Variants in WDR36 observed in about 807,000 individuals in gnomAD.
WDR36 encodes the protein WD repeat-containing protein 36.
WDR36 carries 63 observed loss-of-function variants against 112.7 expected under a neutral mutation model. That is an observed-to-expected ratio of 0.56 (90% CI 0.46 to 0.69). The LOEUF is 0.69. Ranked by LOEUF, WDR36 falls within the 30% of genes least tolerant of loss-of-function variation. The pLI is 0.00. For missense variants in WDR36, 1,226 were observed against 1,070.3 expected, an observed-to-expected ratio of 1.15 and a Z score of -2.03; for synonymous variants, 410 against 362.2, an observed-to-expected ratio of 1.13 and a Z score of -1.50.
intron 6 of WDR36, among the ~76,000 whole-genome samples, chr5:111,102,652 G>A (rs1753143880): frequency 6.6e-6 from 1 of 151,604 alleles, no homozygotes; most frequent in Admixed American, 6.6e-5. Context: ...ATGGATCCTT[G>A]TTTCTAATCA....
intron 16 of WDR36, among the ~76,000 whole-genome samples, chr5:111,118,139 G>T (rs139132730): frequency 6.6e-6 from 1 of 152,104 alleles, no homozygotes; most frequent in Non-Finnish European, 1.5e-5. Flanking sequence ...ACAAACTCAG[G>T]TGTTTGATAT....
intron 1 of WDR36, among the ~76,000 whole-genome samples, chr5:111,092,933 C>A (rs989520986): frequency 6.6e-6 from 1 of 152,232 alleles, no homozygotes; most frequent in Non-Finnish European, 1.5e-5. Context: ...TTAAGACAAA[C>A]CTCTACCTCT....
At chr5:111,100,779 C>G in intron 5 of WDR36, 58 bp downstream of exon 5, 2 of 1,515,614 alleles carry the variant, frequency 1.3e-6, no homozygotes, top group Non-Finnish European at 1.8e-6. Flanking sequence ...CTACTACTTC[C>G]TAATGTATAC....
In WDR36 at chr5:111,111,250, C is replaced by G; in HGVS notation, c.1688C>G (p.Ser563Cys). 1.9e-6 allele frequency: 3 copies of G among 1,611,570 alleles called. No homozygotes were observed. The highest frequency in any genetic ancestry group is 2.5e-6 in the Non-Finnish European group (3 of 1,178,070). Residue 563 changes from serine to cysteine, a missense_variant, in exon 15 of 23, where the codon TCT (serine) becomes TGT (cysteine). Physicochemically the swap from Ser to Cys is moderately radical, Grantham distance 112 (BLOSUM62 -1). Transcript: ENST00000513710. ...ACTAGGAAGATTGTCAGAGAGTTTT[C>G]TGGACACCAAGGCCAAATAAATGAC... ...IETRKIVREF[S>C]GHQGQINDMA...
chr5:111,096,519 C>T (rs780654066), intron 2 of WDR36, among the ~76,000 whole-genome samples: 57 of 152,120 alleles, frequency 3.7e-4, no homozygotes, highest in Non-Finnish European at 7.4e-4. Flanking sequence ...GCCTGTCTAA[C>T]ATGGCAAAAC....
rs1753744833 is a variant in WDR36, at chr5:111,129,517, A to T, written c.*2634A>T. On this transcript the variant is annotated 3_prime_UTR_variant, in exon 23 of 23. Coordinates refer to ENST00000513710, the MANE Select transcript of WDR36 (RefSeq NM_139281.3). ...TGTATGTTTATTTTAGAACATATAA[A>T]CATTTGTTAATTTTCTTTTTCCTCT... 5.1e-6 allele frequency: 1 copy of T among 196,326 alleles called. No homozygotes were observed. The highest frequency in any genetic ancestry group is 1.1e-5 in the Non-Finnish European group (1 of 94,606). 12.2% of individuals were successfully genotyped at this position (196,326 alleles called of 1,614,324 possible). A position where few individuals can be genotyped will look rare whatever the true frequency, so the allele number is the denominator to read the frequency against.
rs1321415778 is a variant in WDR36, at chr5:111,126,766, A to T, written c.2571A>T (p.Val857=). Reference sequence around the variant, plus strand: ...TTAAAATGCTTCCTTCAGAGCCAGTACTCCTAGAAGAAATAACAAATTTGT... The same window carrying T: ...TTAAAATGCTTCCTTCAGAGCCAGTTCTCCTAGAAGAAATAACAAATTTGT... ...LHLKMLPSEP[V]LLEEITNLSS... is the part of the protein sequence containing the mutation. Residue 857 remains valine, a synonymous_variant, in exon 23 of 23, where the codon GTA becomes GTT. Coordinates refer to ENST00000513710, the MANE Select transcript of WDR36 (RefSeq NM_139281.3). The T allele has an allele frequency of 2.5e-6, 4 of 1,613,646 alleles. No homozygotes were observed. The highest frequency in any genetic ancestry group is 3.4e-6 in the Non-Finnish European group (4 of 1,179,816).
rs1193722185 is a variant in WDR36, at chr5:111,099,442, T to G, written c.409+603T>G. Among the ~76,000 whole-genome samples, 11 of 94,348 alleles carry G rather than the reference T, an allele frequency of 1.2e-4. No individual in the cohort carries two copies. The South Asian group carries it at 1.4e-3, about 12-fold the overall frequency. The allele number at this position is 94,348 out of a possible 152,430, so 61.9% of individuals were successfully genotyped here. On this transcript the variant is annotated intron_variant, in intron 4 of 22. Coordinates refer to ENST00000513710, the MANE Select transcript of WDR36 (RefSeq NM_139281.3). The stretch of plus-strand genomic sequence containing the variant: ...ATTTTTAGCTTATATTGCCTCTTGG[T>G]TTTTTTTTGTTTTTTTTTTTGTTTT...
At chr5:111,117,412 G>C (rs577519320) in intron 16 of WDR36, among the ~76,000 whole-genome samples, 1 of 152,292 alleles carries the variant, frequency 6.6e-6, no homozygotes, top group East Asian at 1.9e-4. Flanking sequence ...ATTTACATTT[G>C]AGCTGCTCAC....
intron 19 of WDR36, 144 bp from the exon 20 acceptor site, chr5:111,123,661 A>T: frequency 8.9e-7 from 1 of 1,117,328 alleles, no homozygotes; most frequent in Non-Finnish European, 1.3e-6. Flanking sequence ...TGGTCAGAAG[A>T]GATCATATTT....
In WDR36 at chr5:111,104,779, G is replaced by T; in HGVS notation, c.989G>T (p.Arg330Ile). 10 of 1,611,222 alleles carry T rather than the reference G, an allele frequency of 6.2e-6. No homozygotes were observed. Among genetic ancestry groups the T allele is most frequent in the East Asian group, 2.2e-5 (1 of 44,804 alleles). The part of the protein sequence containing the change: ...MGHSAPLTNI[R>I]YYGQNGQQIL... ...CATAGTGCTCCTCTTACCAATATCA[G>T]ATATTATGGACAGAATGGACAGCAG... is the stretch of plus-strand genomic sequence containing the variant. Residue 330 changes from arginine (R) to isoleucine (I), a missense_variant, in exon 9 of 23, where the codon AGA becomes ATA. Transcript: ENST00000513710.
At chr5:111,104,025 G>T in intron 7 of WDR36, 107 bp downstream of exon 7, 1 of 1,455,038 alleles carries the variant, frequency 6.9e-7, no homozygotes, top group South Asian at 1.2e-5. Flanking sequence ...AGAAGTGAAT[G>T]AATACTGGAG....
rs1753710130 is a variant in WDR36 at position 111,128,023 on chromosome 5, C to A, written c.*1140C>A. On this transcript the variant is annotated 3_prime_UTR_variant, in exon 23 of 23. Transcript: ENST00000513710. ...TTTTCTTTCACAACCATTGCAAACC[C>A]AGGTAGCCCTGGAGTTTTCTTTTTT... is the stretch of plus-strand genomic sequence containing the variant. 5.0e-6 allele frequency: 1 copy of A among 201,604 alleles called. No homozygotes were observed. Among genetic ancestry groups the A allele is most frequent in the Non-Finnish European group, 1.0e-5 (1 of 98,418 alleles). The allele number at this position is 201,604 out of a possible 1,614,324, so 12.5% of individuals were successfully genotyped here.
In WDR36 at chr5:111,097,281, T is replaced by G. The variant is rs1247644027; in HGVS notation, c.291+102T>G. 75 of 823,652 alleles carry G rather than the reference T, an allele frequency of 9.1e-5. 1 individual carries two copies. In the South Asian group the frequency reaches 1.0e-3, roughly 11 times the overall value. 51.0% of individuals were successfully genotyped at this position (823,652 alleles called of 1,614,324 possible). A position where few individuals can be genotyped will look rare whatever the true frequency, so the allele number is the denominator to read the frequency against. ...TTCTTTACCCAGCACACTCTGGAAC[T>G]ATACAGTATTCTTTTTTTTCTAATG... On this transcript the variant is annotated intron_variant, in intron 3 of 22. Coordinates refer to ENST00000513710, the MANE Select transcript of WDR36 (RefSeq NM_139281.3).
intron 17 of WDR36, among the ~76,000 whole-genome samples, chr5:111,119,793 C>A (rs1384941513): frequency 1.3e-5 from 2 of 151,336 alleles, no homozygotes; most frequent in Non-Finnish European, 3.0e-5. Flanking sequence ...AGAAACAGAC[C>A]CTGTTCACCT....
chr5:111,119,316 A>G (rs1753520154), intron 17 of WDR36, among the ~76,000 whole-genome samples, 196 bp downstream of exon 17: 1 of 152,188 alleles, frequency 6.6e-6, no homozygotes, highest in South Asian at 2.1e-4. Flanking sequence ...TTGCTGAAGT[A>G]TATTCTAAAC....
Position 111,124,134 on chromosome 5 carries a change from G to C in WDR36, c.2295G>C (p.Leu765Phe). The part of the protein sequence containing the change: ...QQSKVVNLGV[L>F]AQKSDFCLKL... ...CTAAAGTGGTAAATCTTGGAGTTTT[G>C]GCTCAAAAATCAGATTTCTGCTTGA... The change falls in exon 21 of 23, where the codon TTG (leucine) becomes TTC (phenylalanine). Residue 765 changes from leucine to phenylalanine, a missense_variant. By Grantham distance (22) the Leu-to-Phe change is conservative. Coordinates refer to ENST00000513710, the MANE Select transcript of WDR36 (RefSeq NM_139281.3). 1 of 1,612,686 alleles carries C rather than the reference G, an allele frequency of 6.2e-7. No individual in the cohort carries two copies. The highest frequency in any genetic ancestry group is 8.5e-7 in the Non-Finnish European group (1 of 1,179,500).
chr5:111,097,051 G>A (rs1256016415), intron 2 of WDR36, 28 bp from the exon 3 acceptor site: 17 of 1,557,218 alleles, frequency 1.1e-5, no homozygotes, highest in Non-Finnish European at 1.5e-5. Context: ...AAAAATCCCT[G>A]TTTCTTTCAT....
intron 5 of WDR36, among the ~76,000 whole-genome samples, chr5:111,101,978 C>G (rs1753129639): frequency 6.6e-6 from 1 of 151,696 alleles, no homozygotes; most frequent in Admixed American, 6.6e-5. Context: ...ATATAACATG[C>G]AAATAATATT....
Sources: gnomAD v4.1 joint callset for allele counts (sites outside exome capture counted in the v4.1 genomes callset) on GRCh38, gnomAD v4.1.1 for gene constraint, MANE v1.5 for transcripts, NCBI Gene and HGNC (gene_info 2026-07-23, HGNC 2026-07-21) for gene names.